DDAH1: variants seen among roughly 807,000 people sequenced by gnomAD.
DDAH1 encodes N(G),N(G)-dimethylarginine dimethylaminohydrolase 1.
In DDAH1, 19 loss-of-function variants were observed where a neutral mutation model predicts 28.8. The observed-to-expected ratio is 0.66, with a 90% CI of 0.46 to 0.97. The LOEUF (loss-of-function observed/expected upper bound fraction) is 0.97, where lower values mean the gene tolerates loss of function less well. DDAH1 is among the 50% of genes least tolerant of loss of function. The pLI is 0.00. For synonymous variants in DDAH1, 153 were observed against 154.4 expected, an observed-to-expected ratio of 0.99 and a Z score of 0.07; for missense variants, 326 against 375.9, an observed-to-expected ratio of 0.87 and a Z score of 1.10.
At chr1:85,572,225 T>C (rs1043441796) in intron 1 of DDAH1, among the ~76,000 whole-genome samples, 6 of 152,162 alleles carry the variant, frequency 3.9e-5, no homozygotes, top group African/African-American at 1.2e-4. Flanking sequence ...TTTCATTGTT[T>C]AACTTGTTTA....
intron 1 of DDAH1, among the ~76,000 whole-genome samples, chr1:85,400,468 T>C (rs1652040966): frequency 6.6e-6 from 1 of 152,096 alleles, no homozygotes; most frequent in South Asian, 2.1e-4. Flanking sequence ...CTTCCCAAAG[T>C]GCTGGGATTA....
intron 1 of DDAH1, among the ~76,000 whole-genome samples, chr1:85,381,216 CAA>C (rs1279310173): frequency 1.6e-5 from 2 of 126,018 alleles, no homozygotes; most frequent in East Asian, 4.5e-4. Context: ...GTGACAAGAG[CAA>C]AACTCCATCC....
chr1:85,457,753 G>C (rs548783506), intron 1 of DDAH1, among the ~76,000 whole-genome samples: 171 of 152,330 alleles, frequency 1.1e-3, no homozygotes, highest in African/African-American at 3.8e-3. Context: ...GCTGTGGCGT[G>C]ATCTTGGCTC....
At chr1:85,453,653 C>T (rs1200861099) in intron 1 of DDAH1, among the ~76,000 whole-genome samples, 2 of 152,206 alleles carry the variant, frequency 1.3e-5, no homozygotes, top group Admixed American at 6.5e-5. Context: ...TATACTTTGT[C>T]AGAATGAACC....
intron 1 of DDAH1, among the ~76,000 whole-genome samples, chr1:85,454,507 G>C (rs1654799087): frequency 6.6e-6 from 1 of 152,222 alleles, no homozygotes; most frequent in South Asian, 2.1e-4. Flanking sequence ...TTTCTATAAA[G>C]AGGCTGAATG....
chr1:85,429,770 G>A (rs1653581245), intron 1 of DDAH1, among the ~76,000 whole-genome samples: 1 of 152,020 alleles, frequency 6.6e-6, no homozygotes, highest in Non-Finnish European at 1.5e-5. Context: ...GACCAGTGAT[G>A]AATTTTTCAT....
chr1:85,502,969 C>A (rs1373562453), intron 1 of DDAH1, among the ~76,000 whole-genome samples: 1 of 152,136 alleles, frequency 6.6e-6, no homozygotes, highest in Admixed American at 6.5e-5. Context: ...AGCTACCAGT[C>A]AGTGGATTGA....
At chr1:85,461,605 C>T (rs971225896) in intron 1 of DDAH1, among the ~76,000 whole-genome samples, 2 of 152,170 alleles carry the variant, frequency 1.3e-5, no homozygotes, top group African/African-American at 2.4e-5. Context: ...GCTTGTGAAA[C>T]ACCAAATATG....
At chr1:85,480,973 T>C (rs1362947344) in intron 2 of DDAH1, among the ~76,000 whole-genome samples, 1 of 151,908 alleles carries the variant, frequency 6.6e-6, no homozygotes, top group Admixed American at 6.6e-5. Context: ...CAGTAACTTT[T>C]GCTATCTTTA....
At position 85,404,440 on chromosome 1, in the gene DDAH1, A is replaced by C. The variant is rs138842041; in HGVS notation, c.304-45593T>G. 520 of 1,532,544 alleles carry C rather than the reference A, an allele frequency of 3.4e-4. 9 individuals carry two copies. The East Asian group carries it at 0.013, about 37-fold the overall frequency. 94.9% of individuals were successfully genotyped at this position (1,532,544 alleles called of 1,614,324 possible). The stretch of plus-strand genomic sequence containing the variant: ...TGCTTTTGGGAAGCAGTTCCTCCGC[A>C]ATCTTTTCAACAGATTCCCTGTTTT... On this transcript the variant is annotated intron_variant, in intron 1 of 5. Transcript: ENST00000284031.
intron 1 of DDAH1, among the ~76,000 whole-genome samples, chr1:85,446,883 C>T (rs2100662630): frequency 6.6e-6 from 1 of 152,224 alleles, no homozygotes; most frequent in East Asian, 1.9e-4. Flanking sequence ...ATTCCTGCAG[C>T]AACAGCATTT....
intron 2 of DDAH1, among the ~76,000 whole-genome samples, chr1:85,493,098 A>G (rs1056893923): frequency 5.3e-5 from 8 of 151,892 alleles, no homozygotes; most frequent in African/African-American, 1.9e-4. Flanking sequence ...GAATATATTA[A>G]TATTATATAT....
intron 1 of DDAH1, among the ~76,000 whole-genome samples, chr1:85,412,771 C>T (rs1328916271): frequency 6.6e-6 from 1 of 152,134 alleles, no homozygotes; most frequent in African/African-American, 2.4e-5. Context: ...GAGGCCAAGA[C>T]AGGCACATTG....
chr1:85,479,752 C>T (rs182331287), intron 2 of DDAH1, among the ~76,000 whole-genome samples: 7 of 152,318 alleles, frequency 4.6e-5, no homozygotes, highest in African/African-American at 1.7e-4. Context: ...GTTCAGTTTG[C>T]TGGGCCTTGT....
chr1:85,367,211 A>T (rs1650121907), intron 1 of DDAH1, among the ~76,000 whole-genome samples: 1 of 152,176 alleles, frequency 6.6e-6, no homozygotes, highest in Non-Finnish European at 1.5e-5. Context: ...TAACCTGAAA[A>T]AGAAGGATCT....
chr1:85,376,855 T>C (rs1042344437), intron 1 of DDAH1: 25 of 149,424 alleles, frequency 1.7e-4, no homozygotes, highest in African/African-American at 6.2e-4. Flanking sequence ...AAAGCAACAA[T>C]AATGTGATTC....
At chr1:85,339,949 G>C (rs542269345) in intron 4 of DDAH1, among the ~76,000 whole-genome samples, 1 of 152,258 alleles carries the variant, frequency 6.6e-6, no homozygotes, top group African/African-American at 2.4e-5. Flanking sequence ...TACGATCTCA[G>C]CCCATGAGAC....
At position 85,358,790 on chromosome 1, in the gene DDAH1, C is replaced by T; in HGVS notation, c.361G>A (p.Asp121Asn). The change falls in exon 2 of 6, where the codon GAT becomes AAT. Residue 121 changes from aspartate to asparagine, a missense_variant. Physicochemically the swap from Asp to Asn is conservative, Grantham distance 23. Transcript: ENST00000284031. ...CCGCCATCTAAAGTTGCATTTTCAT[C>T]TTTCATCTCTACTATATTGAGCTGA... ...KLQLNIVEMK[D>N]ENATLDGGDV... is the part of the protein sequence containing the mutation. The T allele has an allele frequency of 6.2e-7, 1 of 1,612,868 alleles. No homozygotes were observed.
At chr1:85,326,795 G>A (rs1647433412) in intron 4 of DDAH1, among the ~76,000 whole-genome samples, 1 of 152,204 alleles carries the variant, frequency 6.6e-6, no homozygotes, top group Admixed American at 6.5e-5. Context: ...CCATAGAGGG[G>A]CTCACCTATG....
Sources: allele counts gnomAD v4.1 joint callset (sites outside exome capture counted in the v4.1 genomes callset), GRCh38; gene constraint gnomAD v4.1.1; transcripts MANE v1.5; gene names NCBI Gene and HGNC (gene_info 2026-07-23, HGNC 2026-07-21).